ARMH3: variants seen among roughly 807,000 people sequenced by gnomAD.
The protein encoded by ARMH3 is armadillo-like helical domain-containing protein 3.
ARMH3 carries 60 observed loss-of-function variants against 99.1 expected under a neutral mutation model. That is an observed-to-expected ratio of 0.61 (90% CI 0.49 to 0.75). The LOEUF (loss-of-function observed/expected upper bound fraction) is 0.75, where lower values mean the gene tolerates loss of function less well. Ranked by LOEUF, ARMH3 falls within the 30% of genes least tolerant of loss-of-function variation. The probability of loss-of-function intolerance (pLI) is 0.00; values close to 1 mark genes in which losing one functional copy is unlikely to be tolerated. For missense variants in ARMH3, 679 were observed against 843.1 expected (o/e 0.81, Z 2.41); for synonymous variants, 285 against 292.8 (o/e 0.97, Z 0.27).
intron 2 of ARMH3, among the ~76,000 whole-genome samples, chr10:102,034,578 G>C (rs1429786061): frequency 6.6e-6 from 1 of 151,092 alleles, no homozygotes; most frequent in Non-Finnish European, 1.5e-5. Flanking sequence ...GGAGCTTGCA[G>C]TGAGCCGAGA....
chr10:101,990,407 G>C, intron 19 of ARMH3, 144 bp downstream of exon 19: 1 of 554,596 alleles, frequency 1.8e-6, no homozygotes, highest in Non-Finnish European at 3.2e-6. Flanking sequence ...TCCTGACCTT[G>C]TGATCCGCCC....
chr10:101,962,022 C>T (rs528912713), intron 20 of ARMH3, among the ~76,000 whole-genome samples: 1 of 152,300 alleles, frequency 6.6e-6, no homozygotes, highest in African/African-American at 2.4e-5. Context: ...AGGGCTAATA[C>T]AGGATTCTTC....
chr10:102,037,297 T>A (rs1271026353), intron 2 of ARMH3, among the ~76,000 whole-genome samples: 1 of 150,960 alleles, frequency 6.6e-6, no homozygotes, highest in Non-Finnish European at 1.5e-5. Flanking sequence ...TTCTCCTGCC[T>A]TGGACTCACA....
chr10:102,029,910 C>T (rs577656684), intron 4 of ARMH3, among the ~76,000 whole-genome samples, 165 bp from the exon 5 acceptor site: 4 of 150,764 alleles, frequency 2.7e-5, no homozygotes, highest in Admixed American at 6.6e-5. Flanking sequence ...CCGTTTGGTT[C>T]GGTTTTTTTG....
At chr10:102,027,260 CAG>C (rs898042550) in intron 5 of ARMH3, among the ~76,000 whole-genome samples, 3 of 126,434 alleles carry the variant, frequency 2.4e-5, no homozygotes, top group African/African-American at 9.3e-5. Flanking sequence ...GCCTAGGTGA[CAG>C]AGTGAGATTC....
At chr10:102,019,028 T>C (rs1367003742) in intron 8 of ARMH3, among the ~76,000 whole-genome samples, 2 of 152,154 alleles carry the variant, frequency 1.3e-5, no homozygotes, top group African/African-American at 4.8e-5. Flanking sequence ...ACGACTATGT[T>C]ACTGGTTTAT....
rs757378552 is a variant in ARMH3 at position 102,033,251 on chromosome 10, C to T, written c.159+32G>A. On this transcript the variant is annotated intron_variant, in intron 3 of 25. Coordinates refer to ENST00000370033, the MANE Select transcript of ARMH3 (RefSeq NM_024541.3). Reference sequence around the variant, plus strand: ...TATATGAGAAGGCAATTTTAGTTACCAGGAAATTCCACAGATGCCACCAAC... The same window carrying T: ...TATATGAGAAGGCAATTTTAGTTACTAGGAAATTCCACAGATGCCACCAAC... 3.7e-6 allele frequency: 6 copies of T among 1,613,516 alleles called. No homozygotes were observed. The East Asian group carries it at 1.3e-4, about 36-fold the overall frequency.
intron 17 of ARMH3, among the ~76,000 whole-genome samples, chr10:101,993,052 T>A (rs1846876026): frequency 6.6e-6 from 1 of 151,880 alleles, no homozygotes; most frequent in Non-Finnish European, 1.5e-5. Context: ...GGGCAGATCA[T>A]CTGAGGTCAG....
chr10:101,896,257 AACAAAACAAT>A (rs1564730832), intron 23 of ARMH3, among the ~76,000 whole-genome samples: 1 of 152,098 alleles, frequency 6.6e-6, no homozygotes, highest in Non-Finnish European at 1.5e-5. Context: ...CAAACAAACA[AACAAAACAAT>A]AACAAGTGTT....
At chr10:102,050,718 G>A (rs1055681457) in intron 1 of ARMH3, among the ~76,000 whole-genome samples, 2 of 151,728 alleles carry the variant, frequency 1.3e-5, no homozygotes, top group African/African-American at 2.4e-5. Context: ...ATTAGTCAGC[G>A]TGGTGGCACA....
chr10:101,972,745 A>G (rs1845825263), intron 20 of ARMH3, among the ~76,000 whole-genome samples: 1 of 152,220 alleles, frequency 6.6e-6, no homozygotes, highest in South Asian at 2.1e-4. Context: ...GGGCTCACCC[A>G]GCCTATACAG....
chr10:102,050,375 G>A (rs1420725937), intron 1 of ARMH3, among the ~76,000 whole-genome samples: 1 of 152,040 alleles, frequency 6.6e-6, no homozygotes, highest in Non-Finnish European at 1.5e-5. Context: ...CTGAACCCGA[G>A]AGGTGGAGCT....
chr10:102,012,138 T>G (rs2066643965), intron 10 of ARMH3, among the ~76,000 whole-genome samples: 1 of 152,184 alleles, frequency 6.6e-6, no homozygotes, highest in Non-Finnish European at 1.5e-5. Context: ...TTGTTTCTTT[T>G]TAAAGGAGGA....
Position 101,891,112 on chromosome 10 carries a change from C to A in ARMH3, c.1782-1622G>T, listed in dbSNP as rs1335187006. The stretch of plus-strand genomic sequence containing the variant: ...CTGGTCTCAAACTCCTGAGCTCAGG[C>A]AGTCCTCCCTCCTCACCTCCTAAAA... On this transcript the variant is annotated intron_variant, in intron 23 of 25. Transcript: ENST00000370033. Among the ~76,000 whole-genome samples, 6 of 151,964 alleles carry A rather than the reference C, an allele frequency of 3.9e-5. No homozygotes were observed. In the East Asian group the frequency reaches 1.2e-3, roughly 29 times the overall value.
At chr10:101,944,279 G>C (rs377047199) in intron 22 of ARMH3, among the ~76,000 whole-genome samples, 1 of 21,420 alleles carries the variant, frequency 4.7e-5, no homozygotes, top group African/African-American at 2.7e-4. Flanking sequence ...TATATAGAGA[G>C]AGAGAGAGAG....
chr10:101,850,704 C>T (rs1314145501), intron 24 of ARMH3, among the ~76,000 whole-genome samples: 2 of 152,086 alleles, frequency 1.3e-5, no homozygotes, highest in African/African-American at 4.8e-5. Flanking sequence ...GGATTACAGG[C>T]GTGAGCCACT....
chr10:101,924,518 T>C (rs1296376718), intron 23 of ARMH3, among the ~76,000 whole-genome samples: 1 of 151,092 alleles, frequency 6.6e-6, no homozygotes, highest in East Asian at 2.0e-4. Context: ...CCCGCCACCA[T>C]GCCTGGCTTT....
chr10:101,937,608 A>C (rs1361205135), intron 23 of ARMH3, among the ~76,000 whole-genome samples: 1 of 152,104 alleles, frequency 6.6e-6, no homozygotes. Context: ...ACAATATACA[A>C]CATCTTTAAG....
chr10:101,859,501 T>C (rs545362742), intron 24 of ARMH3, among the ~76,000 whole-genome samples: 23 of 152,326 alleles, frequency 1.5e-4, no homozygotes, highest in Non-Finnish European at 3.1e-4. Flanking sequence ...GAGCAAAAGA[T>C]GAAACGAATG....
Sources: allele counts gnomAD v4.1 joint callset (sites outside exome capture counted in the v4.1 genomes callset), GRCh38; gene constraint gnomAD v4.1.1; transcripts MANE v1.5; gene names NCBI Gene and HGNC (gene_info 2026-07-23, HGNC 2026-07-21).